Variants in DISP1 observed in about 807,000 individuals in gnomAD.
The protein encoded by DISP1 is dispatched RND transporter family member 1.
In DISP1, 30 loss-of-function variants were observed where a neutral mutation model predicts 37.3. The observed-to-expected ratio is 0.80, with a 90% CI of 0.60 to 1.09. The LOEUF is 1.09. Among genes scored for constraint, DISP1 ranks in the 50% least tolerant of loss-of-function variants. DISP1 has a pLI of 0.00. For missense variants in DISP1, 1,598 were observed against 1,879.5 expected (o/e 0.85, Z 2.77); for synonymous variants, 634 against 690.2 (o/e 0.92, Z 1.28).
At position 223,005,986 on chromosome 1, in the gene DISP1, C is replaced by G; in HGVS notation, c.*14C>G. ...AAAACACTATAATAAATGCAGCATT[C>G]AATTCAGAACCAGTGCCTCAATTAT... is the stretch of plus-strand genomic sequence containing the variant. On this transcript the variant is annotated 3_prime_UTR_variant, in exon 9 of 9. Coordinates refer to ENST00000675850, the MANE Select transcript of DISP1 (RefSeq NM_001377229.1). The G allele has an allele frequency of 1.3e-6, 2 of 1,595,120 alleles. No homozygotes were observed. The highest frequency in any genetic ancestry group is 1.7e-6 in the Non-Finnish European group (2 of 1,165,862).
At chr1:222,879,816 T>C (rs1378179805) in intron 1 of DISP1, among the ~76,000 whole-genome samples, 1 of 152,152 alleles carries the variant, frequency 6.6e-6, no homozygotes, top group Non-Finnish European at 1.5e-5. Context: ...CAAAGAAATG[T>C]AAGTTTAAAA....
intron 2 of DISP1, among the ~76,000 whole-genome samples, chr1:222,930,185 T>G (rs1386898281): frequency 1.3e-5 from 2 of 152,182 alleles, no homozygotes; most frequent in African/African-American, 4.8e-5. Flanking sequence ...ATCACTTCTT[T>G]ACCTTCTGTT....
chr1:222,830,633 C>T (rs941970282), intron 1 of DISP1, among the ~76,000 whole-genome samples: 2 of 152,176 alleles, frequency 1.3e-5, no homozygotes, highest in African/African-American at 4.8e-5. Flanking sequence ...CCACCTGCCT[C>T]GGTCTCCCAA....
rs898699853 is a variant in DISP1, at chr1:223,002,976, A to C, written c.1579A>C (p.Ile527Leu). 31 of 1,613,780 alleles carry C rather than the reference A, an allele frequency of 1.9e-5. No homozygotes were observed. The highest frequency in any genetic ancestry group is 2.5e-5 in the Non-Finnish European group (29 of 1,180,030). ...GTGTGTCTACACCAAGTCCATGTTT[A>C]TCACTCTGATGACAATGTTTGCAAT... The part of the protein sequence containing the change: ...VMCVYTKSMF[I>L]TLMTMFAIIS... Residue 527 changes from isoleucine to leucine, a missense_variant, in exon 9 of 9, where the codon ATC (isoleucine) becomes CTC (leucine). By Grantham distance (5) the Ile-to-Leu change is conservative. Transcript: ENST00000675850.
chr1:223,004,932 G>A lies in DISP1; in HGVS notation c.3535G>A (p.Asp1179Asn), dbSNP rs768099137. The A allele has an allele frequency of 6.2e-7, 1 of 1,612,674 alleles. No homozygotes were observed. The highest frequency in any genetic ancestry group is 8.5e-7 in the Non-Finnish European group (1 of 1,180,030). ...ACATACCATAAATGCTTATCATTTA[G>A]ATCCCAGGGGCCCAAAATCTGAACT... The part of the protein sequence containing the change: ...KTHTINAYHL[D>N]PRGPKSELEH... The change falls in exon 9 of 9, where the codon GAT becomes AAT. Residue 1179 changes from aspartate (D) to asparagine (N), a missense_variant. Asp to Asn is a conservative substitution (Grantham distance 23). Transcript: ENST00000675850. The surrounding 1 kb of genome is among the most constrained non-coding windows in gnomAD (Gnocchi z 4.9).
chr1:222,821,124 A>ACTCC (rs1662765594), intron 1 of DISP1, among the ~76,000 whole-genome samples: 1 of 152,138 alleles, frequency 6.6e-6, no homozygotes, highest in Admixed American at 6.5e-5. Context: ...TTGTTTTTGA[A>ACTCC]TGAACAATGC....
At chr1:222,961,093 A>G (rs1178376761) in intron 3 of DISP1, among the ~76,000 whole-genome samples, 1 of 152,234 alleles carries the variant, frequency 6.6e-6, no homozygotes, top group Admixed American at 6.5e-5. Flanking sequence ...ACAGAAAAAG[A>G]GGGATTCCTC....
In DISP1 at chr1:223,005,363, C is replaced by T. The variant is rs147272487; in HGVS notation, c.3966C>T (p.Val1322=). 469 of 1,613,520 alleles carry T rather than the reference C, an allele frequency of 2.9e-4. 3 individuals are homozygous for T. The East Asian group carries it at 9.5e-3, about 33-fold the overall frequency. Residue 1322 remains valine (V), a synonymous_variant, in exon 9 of 9, where the codon GTC becomes GTT. Coordinates refer to ENST00000675850, the MANE Select transcript of DISP1 (RefSeq NM_001377229.1). ...CTCTGAAGGCCACACACCAAGCTGTCGAGGGCTTTGTGCACCCCATCACGC... is the reference window on the plus strand; with the variant it reads ...CTCTGAAGGCCACACACCAAGCTGTTGAGGGCTTTGTGCACCCCATCACGC... ...VAPLKATHQA[V]EGFVHPITHI...
intron 1 of DISP1, among the ~76,000 whole-genome samples, chr1:222,900,801 A>G (rs1208047852): frequency 1.3e-5 from 2 of 152,232 alleles, no homozygotes; most frequent in Admixed American, 1.3e-4. Flanking sequence ...TTTTACTAAT[A>G]TATGAACAGA....
intron 2 of DISP1, among the ~76,000 whole-genome samples, chr1:222,936,543 A>C (rs12744400): frequency 0.19 from 13,984 of 72,474 alleles, 949 homozygotes; most frequent in African/African-American, 0.24. Context: ...CTCTCTCTCT[A>C]TATATATATA....
chr1:222,860,524 C>T (rs952058750), intron 1 of DISP1, among the ~76,000 whole-genome samples: 2 of 152,240 alleles, frequency 1.3e-5, no homozygotes, highest in South Asian at 2.1e-4. Context: ...AAAGCCAATA[C>T]GTAATGCCTG....
intron 2 of DISP1, among the ~76,000 whole-genome samples, chr1:222,941,410 T>C (rs1674378842): frequency 6.6e-6 from 1 of 152,202 alleles, no homozygotes; most frequent in Non-Finnish European, 1.5e-5. Flanking sequence ...GTAAGACTAA[T>C]GAGGGAAGTA....
chr1:222,990,258 T>C (rs760389659), intron 4 of DISP1, among the ~76,000 whole-genome samples: 1 of 152,216 alleles, frequency 6.6e-6, no homozygotes, highest in Non-Finnish European at 1.5e-5. Context: ...CTGTTAAAAT[T>C]TATTTTCTTT....
chr1:222,930,054 T>C (rs2789968), intron 2 of DISP1, among the ~76,000 whole-genome samples: 40,608 of 151,844 alleles, frequency 0.27, 5,618 homozygotes, highest in South Asian at 0.48. Context: ...TAATTCAGTC[T>C]GGGAAATATG....
intron 1 of DISP1, among the ~76,000 whole-genome samples, chr1:222,873,613 T>C (rs1315857254): frequency 2.6e-5 from 4 of 152,190 alleles, no homozygotes; most frequent in Admixed American, 6.5e-5. Flanking sequence ...CTTTTTTTGT[T>C]TTCCATTTGC....
At position 223,003,679 on chromosome 1, in the gene DISP1, T is replaced by C; in HGVS notation, c.2282T>C (p.Phe761Ser). Residue 761 changes from phenylalanine (F) to serine (S), a missense_variant, in exon 9 of 9, where the codon TTT becomes TCT. Physicochemically the swap from Phe to Ser is radical, Grantham distance 155. Transcript: ENST00000675850. The surrounding 1 kb of genome is among the most constrained non-coding windows in gnomAD (Gnocchi z 4.3). ...CAGGTGTTCCGGTCGTCCCATCCTT[T>C]TGAGCGTTATGATGCTGAATACAAA... ...EFQVFRSSHPFERYDAEYKKL... is the reference protein window; with the variant it reads ...EFQVFRSSHPSERYDAEYKKL... 6.2e-7 allele frequency: 1 copy of C among 1,614,150 alleles called. No individual in the cohort carries two copies. Among genetic ancestry groups the C allele is most frequent in the Non-Finnish European group, 8.5e-7 (1 of 1,180,024 alleles).
intron 7 of DISP1, among the ~76,000 whole-genome samples, chr1:222,993,186 G>A (rs868321178): frequency 1.3e-5 from 2 of 152,074 alleles, no homozygotes; most frequent in African/African-American, 4.8e-5. Context: ...ATTTGAATGT[G>A]GAGCCATTAA....
chr1:222,909,804 A>G (rs981023013), intron 1 of DISP1, among the ~76,000 whole-genome samples: 2 of 152,202 alleles, frequency 1.3e-5, no homozygotes, highest in Admixed American at 6.5e-5. Context: ...AAGTTGCTCA[A>G]CTACTCCTCA....
At chr1:222,863,149 C>T (rs559360783) in intron 1 of DISP1, among the ~76,000 whole-genome samples, 10 of 152,174 alleles carry the variant, frequency 6.6e-5, no homozygotes, top group African/African-American at 1.2e-4. Flanking sequence ...TACACAAATA[C>T]GAGCAACTCA....
Sources: allele counts gnomAD v4.1 joint callset (sites outside exome capture counted in the v4.1 genomes callset), GRCh38; gene constraint gnomAD v4.1.1; non-coding constraint Gnocchi (gnomAD v3.1); transcripts MANE v1.5; gene names NCBI Gene and HGNC (gene_info 2026-07-23, HGNC 2026-07-21).